Variants in SNX29 observed in about 807,000 individuals in gnomAD.
SNX29 encodes sorting nexin 29.
Under a neutral mutation model 102.1 loss-of-function variants are expected in SNX29, and 78 were observed. That is an observed-to-expected ratio of 0.76 (90% CI 0.64 to 0.92). The LOEUF (loss-of-function observed/expected upper bound fraction) is 0.92. SNX29 is among the 40% of genes least tolerant of loss of function. The pLI, the probability that SNX29 is intolerant of heterozygous loss-of-function variation, is 0.00. For missense variants in SNX29, 1,280 were observed against 1,061.7 expected (o/e 1.21, Z -2.86); for synonymous variants, 580 against 414.5 (o/e 1.40, Z -4.85).
intron 20 of SNX29, 98 bp from the exon 21 acceptor site, chr16:12,568,408 C>A: frequency 6.7e-7 from 1 of 1,502,938 alleles, no homozygotes; most frequent in African/African-American, 1.4e-5. Flanking sequence ...AGTTGCCAAT[C>A]AGATCCCTCC....
At chr16:12,540,357 T>A (rs1567676293) in intron 20 of SNX29, among the ~76,000 whole-genome samples, 1 of 152,216 alleles carries the variant, frequency 6.6e-6, no homozygotes, top group East Asian at 1.9e-4. Context: ...TTATCCCCTG[T>A]ATTAATTTCT....
intron 2 of SNX29, among the ~76,000 whole-genome samples, chr16:12,002,257 G>A (rs1272976239): frequency 2.0e-5 from 3 of 151,992 alleles, no homozygotes; most frequent in Non-Finnish European, 4.4e-5. Flanking sequence ...AGACCAGCCT[G>A]ACCAACATAG....
At chr16:12,568,237 C>T (rs574672355) in intron 20 of SNX29, among the ~76,000 whole-genome samples, 25 of 150,020 alleles carry the variant, frequency 1.7e-4, no homozygotes, top group African/African-American at 3.4e-4. Context: ...AAATGTAGAC[C>T]GGAACGGTGG....
chr16:12,531,113 C>T (rs1435654423), intron 20 of SNX29, among the ~76,000 whole-genome samples: 3 of 152,186 alleles, frequency 2.0e-5, no homozygotes, highest in Admixed American at 1.3e-4. Flanking sequence ...ATCACTAAAG[C>T]CCACCCTCTC....
chr16:12,149,667 C>A (rs925021650), intron 13 of SNX29, among the ~76,000 whole-genome samples: 7 of 152,110 alleles, frequency 4.6e-5, no homozygotes, highest in African/African-American at 1.7e-4. Context: ...GTTTAAAAAT[C>A]ATGAAAATGG....
chr16:12,165,603 C>G (rs1384177702), intron 13 of SNX29, among the ~76,000 whole-genome samples: 1 of 152,182 alleles, frequency 6.6e-6, no homozygotes, highest in Non-Finnish European at 1.5e-5. Context: ...CTCTGTCACC[C>G]AGACTGGAGT....
rs980330909 is a variant in SNX29 at position 12,568,882 on chromosome 16, C to G, written c.*253C>G. 1.7e-5 allele frequency: 9 copies of G among 542,668 alleles called. No individual in the cohort carries two copies. Among genetic ancestry groups the G allele is most frequent in the East Asian group, 6.8e-5 (2 of 29,610 alleles). 33.6% of individuals were successfully genotyped at this position (542,668 alleles called of 1,614,324 possible). On this transcript the variant is annotated 3_prime_UTR_variant, in exon 21 of 21. Coordinates refer to ENST00000566228, the MANE Select transcript of SNX29 (RefSeq NM_032167.5). The stretch of plus-strand genomic sequence containing the variant: ...CACACAGTCCTTCTGCTTCTGGGGT[C>G]TACCCTGGGCTGCAAGGGCTGTTCC...
intron 13 of SNX29, among the ~76,000 whole-genome samples, chr16:12,133,926 C>T (rs116993400): frequency 0.023 from 3,471 of 152,278 alleles, 66 homozygotes; most frequent in Middle Eastern, 0.051. Flanking sequence ...TGAGCAAACC[C>T]AGCATTTGAT....
At chr16:12,558,952 G>A (rs1385652917) in intron 20 of SNX29, among the ~76,000 whole-genome samples, 1 of 152,220 alleles carries the variant, frequency 6.6e-6, no homozygotes, top group Non-Finnish European at 1.5e-5. Flanking sequence ...TCGGCCCCAT[G>A]TTTCAGGTAA....
intron 20 of SNX29, among the ~76,000 whole-genome samples, chr16:12,541,524 C>A (rs758078229): frequency 3.3e-5 from 5 of 152,104 alleles, no homozygotes; most frequent in African/African-American, 1.2e-4. Flanking sequence ...ATAACCATTT[C>A]AGCATGTAGT....
At chr16:12,503,520 A>C (rs1391018807) in intron 19 of SNX29, among the ~76,000 whole-genome samples, 6 of 152,202 alleles carry the variant, frequency 3.9e-5, no homozygotes, top group Non-Finnish European at 8.8e-5. Context: ...CCCAGGGAGT[A>C]TCAACATTTC....
intron 15 of SNX29, among the ~76,000 whole-genome samples, chr16:12,280,908 T>C (rs1224824278): frequency 1.3e-5 from 2 of 152,138 alleles, no homozygotes; most frequent in Non-Finnish European, 2.9e-5. Context: ...AAACATTGTA[T>C]TTATTTAGTT....
intron 16 of SNX29, among the ~76,000 whole-genome samples, chr16:12,388,194 C>G (rs1040692415): frequency 1.3e-5 from 2 of 152,160 alleles, no homozygotes; most frequent in Non-Finnish European, 2.9e-5. Flanking sequence ...CTGGGGGAGA[C>G]AGCAGGTGTT....
intron 15 of SNX29, among the ~76,000 whole-genome samples, chr16:12,303,799 G>C (rs993104734): frequency 6.6e-6 from 1 of 152,164 alleles, no homozygotes; most frequent in Non-Finnish European, 1.5e-5. Flanking sequence ...TGGAAGCATT[G>C]GGCTGATGAT....
chr16:12,444,932 A>C (rs8051161), intron 18 of SNX29, among the ~76,000 whole-genome samples: 5,816 of 150,772 alleles, frequency 0.039, 223 homozygotes, highest in African/African-American at 0.093. Context: ...GCTCACTGCA[A>C]CCCCTGCCTC....
At chr16:12,388,402 CTT>C (rs777756359) in intron 16 of SNX29, among the ~76,000 whole-genome samples, 6 of 152,208 alleles carry the variant, frequency 3.9e-5, no homozygotes, top group Admixed American at 1.3e-4. Flanking sequence ...CCAGGGGCCT[CTT>C]TTGATTCTCA....
intron 14 of SNX29, among the ~76,000 whole-genome samples, chr16:12,264,135 A>G (rs2078857565): frequency 6.6e-6 from 1 of 152,224 alleles, no homozygotes; most frequent in Admixed American, 6.5e-5. Context: ...CCCTTGCAGA[A>G]AGTGGCTGAG....
At chr16:12,181,014 A>T (rs192129828) in intron 13 of SNX29, among the ~76,000 whole-genome samples, 1 of 151,900 alleles carries the variant, frequency 6.6e-6, no homozygotes, top group Admixed American at 6.5e-5. Flanking sequence ...TTTTTCCCTC[A>T]CTGCAGGGCC....
chr16:12,512,995 C>T (rs1208500848), intron 19 of SNX29, among the ~76,000 whole-genome samples: 1 of 152,092 alleles, frequency 6.6e-6, no homozygotes, highest in African/African-American at 2.4e-5. Flanking sequence ...CTTGTCCCCC[C>T]AGAGGGCAGT....
Sources: gnomAD v4.1 joint callset for allele counts (sites outside exome capture counted in the v4.1 genomes callset) on GRCh38, gnomAD v4.1.1 for gene constraint, MANE v1.5 for transcripts, NCBI Gene and HGNC (gene_info 2026-07-23, HGNC 2026-07-21) for gene names.